The following CCSER1 variants were observed in gnomAD, a reference collection of about 807,000 sequenced individuals.
CCSER1 encodes serine-rich coiled-coil domain-containing protein 1.
In CCSER1, 41 loss-of-function variants were observed where a neutral mutation model predicts 82.0. The ratio of observed to expected loss-of-function variants is 0.50; its 90% confidence interval spans 0.39 to 0.65. The LOEUF (loss-of-function observed/expected upper bound fraction) is 0.65, where lower values mean the gene tolerates loss of function less well. CCSER1 is among the 30% of genes least tolerant of loss of function. CCSER1 has a pLI of 0.00. For synonymous variants in CCSER1, 414 were observed against 383.9 expected (o/e 1.08, Z -0.92); for missense variants, 1,119 against 1,064.2 (o/e 1.05, Z -0.72).
At chr4:90,565,262 A>AT (rs1450998643) in intron 5 of CCSER1, among the ~76,000 whole-genome samples, 5 of 147,974 alleles carry the variant, frequency 3.4e-5, no homozygotes, top group South Asian at 4.3e-4. Flanking sequence ...ACTCCTGAGT[A>AT]TTTTTTTGTA....
At chr4:91,165,034 C>G (rs1731882135) in intron 10 of CCSER1, among the ~76,000 whole-genome samples, 1 of 152,194 alleles carries the variant, frequency 6.6e-6, no homozygotes, top group Non-Finnish European at 1.5e-5. Flanking sequence ...GAATTTTCAG[C>G]TTTTCTGCTC....
chr4:90,137,904 T>G (rs1723987611), intron 1 of CCSER1, among the ~76,000 whole-genome samples: 1 of 152,242 alleles, frequency 6.6e-6, no homozygotes. Context: ...AAGTTCTTTT[T>G]AAAAGTAAAC....
chr4:90,399,813 T>C (rs1035762773), intron 3 of CCSER1, among the ~76,000 whole-genome samples: 2 of 152,074 alleles, frequency 1.3e-5, no homozygotes, highest in African/African-American at 4.8e-5. Context: ...AAAAAATGAA[T>C]GTGCAGATAA....
At chr4:90,211,082 A>G (rs1056282776) in intron 1 of CCSER1, among the ~76,000 whole-genome samples, 1 of 152,198 alleles carries the variant, frequency 6.6e-6, no homozygotes, top group African/African-American at 2.4e-5. Flanking sequence ...TTTACATAGT[A>G]ATATCAGACA....
chr4:90,780,847 C>G (rs1240738669), intron 7 of CCSER1: 15 of 968,602 alleles, frequency 1.5e-5, no homozygotes, highest in Non-Finnish European at 1.7e-5. Context: ...TTAGGCTGTT[C>G]TTGCATGGCT....
intron 6 of CCSER1, among the ~76,000 whole-genome samples, chr4:90,673,024 A>C (rs2149160103): frequency 6.6e-6 from 1 of 152,020 alleles, no homozygotes; most frequent in Non-Finnish European, 1.5e-5. Flanking sequence ...ATAATTTTAA[A>C]ACTTTGAAAT....
intron 10 of CCSER1, among the ~76,000 whole-genome samples, chr4:91,563,344 T>C (rs1418198689): frequency 6.6e-6 from 1 of 151,752 alleles, no homozygotes; most frequent in Non-Finnish European, 1.5e-5. Flanking sequence ...GTGGAATTTA[T>C]CCATGAGATG....
At chr4:91,507,263 C>G (rs188973916) in intron 10 of CCSER1, among the ~76,000 whole-genome samples, 1 of 152,100 alleles carries the variant, frequency 6.6e-6, no homozygotes, top group Non-Finnish European at 1.5e-5. Context: ...ATGAGGATTT[C>G]AATTTCTCCA....
intron 10 of CCSER1, among the ~76,000 whole-genome samples, chr4:91,230,629 G>GA (rs899540466): frequency 5.3e-5 from 8 of 150,658 alleles, no homozygotes; most frequent in East Asian, 2.0e-4. Context: ...GGGTGTGGAG[G>GA]AAAAAAAACA....
intron 1 of CCSER1, among the ~76,000 whole-genome samples, chr4:90,153,806 C>T (rs978292660): frequency 5.8e-4 from 88 of 152,170 alleles, no homozygotes; most frequent in Non-Finnish European, 9.6e-4. Context: ...GAGTAGGTTG[C>T]GAAAATTTTC....
chr4:91,489,448 A>C (rs1758394917), intron 10 of CCSER1, among the ~76,000 whole-genome samples: 1 of 152,052 alleles, frequency 6.6e-6, no homozygotes, highest in Non-Finnish European at 1.5e-5. Context: ...TAGTCCCTGG[A>C]ACAGTTAGAT....
chr4:90,161,119 G>A (rs577030189), intron 1 of CCSER1, among the ~76,000 whole-genome samples: 18 of 152,284 alleles, frequency 1.2e-4, no homozygotes, highest in East Asian at 3.9e-4. Flanking sequence ...AAGGAGACAG[G>A]TGGACTTACT....
intron 7 of CCSER1, chr4:90,727,342 G>T (rs1413763211): frequency 2.2e-6 from 1 of 454,326 alleles, no homozygotes; most frequent in Non-Finnish European, 4.4e-6. Flanking sequence ...AATCATAAAA[G>T]TTCAAGATCA....
intron 10 of CCSER1, among the ~76,000 whole-genome samples, chr4:91,296,483 A>ATATATATATATATATATATATATATTATT (rs1175690764): frequency 4.8e-5 from 6 of 124,052 alleles, no homozygotes; most frequent in South Asian, 2.3e-4. Context: ...ATATATATAT[A>ATATATATATATATATATATATATATTATT]TATTTTAATT....
chr4:90,270,564 C>T (rs1180382281), intron 1 of CCSER1, among the ~76,000 whole-genome samples: 2 of 152,056 alleles, frequency 1.3e-5, no homozygotes, highest in African/African-American at 4.8e-5. Flanking sequence ...AACTGAAAGA[C>T]TTTCCTCTAA....
At chr4:91,575,628 A>G (rs564275092) in intron 10 of CCSER1, among the ~76,000 whole-genome samples, 35 of 152,164 alleles carry the variant, frequency 2.3e-4, no homozygotes, top group African/African-American at 8.4e-4. Flanking sequence ...CACAGAAAAG[A>G]AAATCCTAAA....
intron 5 of CCSER1, among the ~76,000 whole-genome samples, chr4:90,585,421 A>C (rs769625436): frequency 5.8e-4 from 88 of 152,294 alleles, no homozygotes; most frequent in Non-Finnish European, 1.2e-3. Flanking sequence ...ATTGGTGTAA[A>C]AAATAATAAT....
At chr4:90,204,127 C>G (rs1381274282) in intron 1 of CCSER1, among the ~76,000 whole-genome samples, 1 of 152,152 alleles carries the variant, frequency 6.6e-6, no homozygotes, top group South Asian at 2.1e-4. Flanking sequence ...AAAATTTTCT[C>G]CCATTCTGTA....
At chr4:90,577,408 T>A (rs78220686) in intron 5 of CCSER1, among the ~76,000 whole-genome samples, 3,302 of 152,126 alleles carry the variant, frequency 0.022, 119 homozygotes, top group African/African-American at 0.07. Flanking sequence ...TTTGTCAGTT[T>A]TAGTTGAGGG....
Sources: gnomAD v4.1 joint callset for allele counts (sites outside exome capture counted in the v4.1 genomes callset) on GRCh38, gnomAD v4.1.1 for gene constraint, MANE v1.5 for transcripts, NCBI Gene and HGNC (gene_info 2026-07-23, HGNC 2026-07-21) for gene names.